Variants in CPA6 observed in about 807,000 individuals in gnomAD.
The protein encoded by CPA6 is carboxypeptidase A6, also known as carboxypeptidase B.
CPA6 carries 58 observed loss-of-function variants against 63.3 expected under a neutral mutation model. The observed-to-expected ratio is 0.92, with a 90% CI of 0.74 to 1.14. The LOEUF is 1.14. CPA6 is among the 50% of genes most tolerant of loss of function. The pLI is 0.00. For missense variants in CPA6, 565 were observed against 526.6 expected, an observed-to-expected ratio of 1.07 and a Z score of -0.71; for synonymous variants, 185 against 179.0, an observed-to-expected ratio of 1.03 and a Z score of -0.27.
intron 3 of CPA6, among the ~76,000 whole-genome samples, chr8:67,517,294 C>T (rs993972031): frequency 6.6e-6 from 1 of 152,004 alleles, no homozygotes; most frequent in African/African-American, 2.4e-5. Context: ...TCTCGTGATC[C>T]TACTATTCTG....
chr8:67,540,010 A>C (rs1192525096), intron 2 of CPA6, among the ~76,000 whole-genome samples: 2 of 152,148 alleles, frequency 1.3e-5, no homozygotes, highest in Non-Finnish European at 2.9e-5. Flanking sequence ...CCAATTCATC[A>C]GACTCATTCT....
Position 67,624,217 on chromosome 8 carries a change from C to G in CPA6, c.151G>C (p.Glu51Gln). 4 of 1,546,786 alleles carry G rather than the reference C, an allele frequency of 2.6e-6. No individual in the cohort carries two copies. Among genetic ancestry groups the G allele is most frequent in the Non-Finnish European group, 3.6e-6 (4 of 1,121,648 alleles). ...KVIRFIPKTE[E>Q]EAYALKKISY... ...ATTTTCTTCAGTGCATATGCTTCCTCTTCTGTTTTGGGAATAAATCTTATC... is the reference window on the plus strand; with the variant it reads ...ATTTTCTTCAGTGCATATGCTTCCTGTTCTGTTTTGGGAATAAATCTTATC... Residue 51 changes from glutamate (E) to glutamine (Q), a missense_variant, in exon 2 of 11, where the codon GAG (glutamate) becomes CAG (glutamine). Coordinates refer to ENST00000297770, the MANE Select transcript of CPA6 (RefSeq NM_020361.5).
chr8:67,636,025 T>A (rs1368444669), intron 1 of CPA6, among the ~76,000 whole-genome samples: 1 of 151,550 alleles, frequency 6.6e-6, no homozygotes, highest in Non-Finnish European at 1.5e-5. Flanking sequence ...TATCCCCATA[T>A]CAGAACTGAG....
chr8:67,736,303 A>G (rs1179647863), intron 1 of CPA6, among the ~76,000 whole-genome samples: 5 of 151,982 alleles, frequency 3.3e-5, no homozygotes, highest in Non-Finnish European at 7.4e-5. Flanking sequence ...AGCTCCCCAC[A>G]TTGCCCTCAC....
In CPA6 at chr8:67,709,095, C is replaced by T. The variant is rs141249988; in HGVS notation, c.116+36919G>A. Among the ~76,000 whole-genome samples, 5 of 152,236 alleles carry T rather than the reference C, an allele frequency of 3.3e-5. No homozygotes were observed. The East Asian group carries it at 7.7e-4, about 24-fold the overall frequency. The stretch of plus-strand genomic sequence containing the variant: ...TGGTAGCATTTAACTGGTATATAAC[C>T]TTCCTCTAGGAACACTCAACTGATA... On this transcript the variant is annotated intron_variant, in intron 1 of 10. Coordinates refer to ENST00000297770, the MANE Select transcript of CPA6 (RefSeq NM_020361.5).
At chr8:67,459,678 A>G (rs1040348837) in intron 8 of CPA6, among the ~76,000 whole-genome samples, 3 of 152,168 alleles carry the variant, frequency 2.0e-5, no homozygotes, top group Non-Finnish European at 4.4e-5. Flanking sequence ...GTAAGATACT[A>G]TATTGAGGGA....
intron 8 of CPA6, among the ~76,000 whole-genome samples, chr8:67,435,032 G>A (rs1341136741): frequency 1.3e-5 from 2 of 152,212 alleles, no homozygotes; most frequent in African/African-American, 2.4e-5. Context: ...ACTGAGAGGG[G>A]AGCCCCCTCC....
At chr8:67,636,810 A>G (rs1421798911) in intron 1 of CPA6, among the ~76,000 whole-genome samples, 1 of 151,658 alleles carries the variant, frequency 6.6e-6, no homozygotes, top group Non-Finnish European at 1.5e-5. Flanking sequence ...TAGAAAAATT[A>G]ATGTTCACAT....
At chr8:67,542,150 G>A (rs1187313774) in intron 2 of CPA6, among the ~76,000 whole-genome samples, 2 of 152,222 alleles carry the variant, frequency 1.3e-5, no homozygotes, top group Admixed American at 6.5e-5. Flanking sequence ...AGGGCCCTGG[G>A]TTGGGCCCAC....
chr8:67,482,089 G>A (rs1160230240), intron 8 of CPA6, among the ~76,000 whole-genome samples: 1 of 152,162 alleles, frequency 6.6e-6, no homozygotes, highest in East Asian at 1.9e-4. Context: ...AACCAAAGAA[G>A]GCATGTGTAT....
chr8:67,510,260 T>G (rs1812015754), intron 4 of CPA6, among the ~76,000 whole-genome samples: 1 of 152,168 alleles, frequency 6.6e-6, no homozygotes, highest in African/African-American at 2.4e-5. Flanking sequence ...CTTAAAAGCC[T>G]TATAAGGTGT....
intron 6 of CPA6, among the ~76,000 whole-genome samples, chr8:67,493,167 A>T (rs1364250104): frequency 6.6e-6 from 1 of 152,116 alleles, no homozygotes; most frequent in African/African-American, 2.4e-5. Flanking sequence ...TGTCTCAATT[A>T]TTTATTCCCT....
intron 2 of CPA6, among the ~76,000 whole-genome samples, chr8:67,607,039 C>G (rs941565238): frequency 3.9e-4 from 60 of 152,142 alleles, no homozygotes; most frequent in Non-Finnish European, 1.2e-4. Flanking sequence ...TAACCACACT[C>G]TAAGTTCTTT....
intron 6 of CPA6, among the ~76,000 whole-genome samples, chr8:67,495,226 T>C (rs1811685471): frequency 6.6e-6 from 1 of 152,216 alleles, no homozygotes. Context: ...CACAAATCTC[T>C]TGGGCATCTT....
intron 1 of CPA6, among the ~76,000 whole-genome samples, chr8:67,694,701 C>T (rs1363058430): frequency 6.6e-6 from 1 of 152,156 alleles, no homozygotes; most frequent in Non-Finnish European, 1.5e-5. Flanking sequence ...AAGACTAGGG[C>T]CTGGTTTCAG....
intron 8 of CPA6, among the ~76,000 whole-genome samples, chr8:67,476,448 T>A (rs1811239259): frequency 6.6e-6 from 1 of 152,150 alleles, no homozygotes; most frequent in South Asian, 2.1e-4. Context: ...AAATTCAAAC[T>A]ATTAGCATGG....
intron 2 of CPA6, among the ~76,000 whole-genome samples, chr8:67,552,774 CAAA>C (rs762395117): frequency 2.9e-4 from 6 of 20,930 alleles, no homozygotes; most frequent in African/African-American, 6.2e-4. Flanking sequence ...AAGACTGTCT[CAAA>C]AAAAAAAAAA....
intron 1 of CPA6, among the ~76,000 whole-genome samples, chr8:67,657,696 A>G (rs12542849): frequency 6.6e-6 from 1 of 151,974 alleles, no homozygotes; most frequent in African/African-American, 2.4e-5. Context: ...GGTAGAATAC[A>G]GATACTCAGG....
intron 2 of CPA6, among the ~76,000 whole-genome samples, chr8:67,593,740 A>G (rs1814206117): frequency 6.7e-6 from 1 of 149,544 alleles, no homozygotes; most frequent in Non-Finnish European, 1.5e-5. Flanking sequence ...TTTGCTTGGT[A>G]GATCTTCCTC....
Sources: gnomAD v4.1 joint callset for allele counts (sites outside exome capture counted in the v4.1 genomes callset) on GRCh38, gnomAD v4.1.1 for gene constraint, MANE v1.5 for transcripts, NCBI Gene and HGNC (gene_info 2026-07-23, HGNC 2026-07-21) for gene names.